Variants in DTNBP1 observed in about 807,000 individuals in gnomAD.
DTNBP1 encodes the protein dysbindin.
A neutral mutation model predicts 42.8 loss-of-function variants in DTNBP1; 35 were observed. The observed-to-expected ratio is 0.82, with a 90% CI of 0.63 to 1.09. DTNBP1 has a LOEUF of 1.09. Ranked by LOEUF, DTNBP1 falls within the 50% of genes least tolerant of loss-of-function variation. The pLI, the probability that DTNBP1 is intolerant of heterozygous loss-of-function variation, is 0.00. For synonymous variants in DTNBP1, 171 were observed against 162.2 expected, an observed-to-expected ratio of 1.05 and a Z score of -0.41; for missense variants, 457 against 424.2, an observed-to-expected ratio of 1.08 and a Z score of -0.68.
chr6:15,572,155 T>C (rs1375468579), intron 7 of DTNBP1, among the ~76,000 whole-genome samples: 5 of 152,206 alleles, frequency 3.3e-5, no homozygotes, highest in Non-Finnish European at 7.3e-5. Context: ...TGGCTAGCAC[T>C]GTTATTTCAT....
chr6:15,653,256 T>C (rs562712269), intron 1 of DTNBP1, among the ~76,000 whole-genome samples: 1 of 152,242 alleles, frequency 6.6e-6, no homozygotes, highest in South Asian at 2.1e-4. Flanking sequence ...AAGAATATCA[T>C]TGACTACATT....
rs144669471 is a variant in DTNBP1, at chr6:15,539,739, G to A, written c.512-6344C>T. Among the ~76,000 whole-genome samples the A allele has an allele frequency of 1.4e-3, 215 of 152,294 alleles. 1 individual carries two copies. The highest frequency in any genetic ancestry group is 4.9e-3 in the African/African-American group (204 of 41,554). On this transcript the variant is annotated intron_variant, in intron 7 of 9. Transcript: ENST00000344537. ...CGGCACATCCTCACTGGCTTTAGCA[G>A]CTTCCTGCTTTTAGCTTCTTTTCCT...
chr6:15,610,979 G>A (rs1022749464), intron 6 of DTNBP1, among the ~76,000 whole-genome samples: 7 of 152,238 alleles, frequency 4.6e-5, no homozygotes, highest in African/African-American at 1.7e-4. Context: ...GATGAAGGTG[G>A]CTATGCTAAA....
At chr6:15,594,018 C>T (rs1388450175) in intron 6 of DTNBP1, among the ~76,000 whole-genome samples, 2 of 152,192 alleles carry the variant, frequency 1.3e-5, no homozygotes, top group Admixed American at 6.5e-5. Context: ...TACTGAAAGG[C>T]CAAGTAGATA....
intron 3 of DTNBP1, among the ~76,000 whole-genome samples, chr6:15,640,218 T>C (rs1760265675): frequency 6.6e-6 from 1 of 152,194 alleles, no homozygotes; most frequent in Non-Finnish European, 1.5e-5. Context: ...AATTTATTGC[T>C]ATTAGATTGT....
At chr6:15,550,223 C>T (rs958921366) in intron 7 of DTNBP1, among the ~76,000 whole-genome samples, 1 of 152,200 alleles carries the variant, frequency 6.6e-6, no homozygotes, top group African/African-American at 2.4e-5. Context: ...GATGTTTCCA[C>T]TCATACTGCC....
intron 7 of DTNBP1, among the ~76,000 whole-genome samples, chr6:15,542,468 T>A (rs909975414): frequency 3.9e-5 from 6 of 152,040 alleles, no homozygotes; most frequent in African/African-American, 9.7e-5. Context: ...GCCTCCCTGG[T>A]TCAAGCCATT....
intron 1 of DTNBP1, among the ~76,000 whole-genome samples, chr6:15,655,129 A>G (rs1030399566): frequency 4.0e-5 from 6 of 150,080 alleles, no homozygotes; most frequent in African/African-American, 1.5e-4. Flanking sequence ...GTAAAATACA[A>G]TTTTTTTTTT....
rs1036296663 is a variant in DTNBP1, at chr6:15,616,465, G to A, written c.356-1066C>T. Among the ~76,000 whole-genome samples, 72 of 152,298 alleles carry A rather than the reference G, an allele frequency of 4.7e-4. 1 individual carries two copies. Among genetic ancestry groups the A allele is most frequent in the African/African-American group, 1.7e-3 (70 of 41,554 alleles). On this transcript the variant is annotated intron_variant, in intron 5 of 9. Coordinates refer to ENST00000344537, the MANE Select transcript of DTNBP1 (RefSeq NM_032122.5). Reference sequence around the variant, plus strand: ...CAGAGTAAGGCATGAGGTGCCGAAGGAACTCAAAGGAGTGGCATCTAACAC... The same window carrying A: ...CAGAGTAAGGCATGAGGTGCCGAAGAAACTCAAAGGAGTGGCATCTAACAC...
chr6:15,613,514 C>A (rs977191222), intron 6 of DTNBP1, among the ~76,000 whole-genome samples: 9 of 151,544 alleles, frequency 5.9e-5, no homozygotes, highest in African/African-American at 2.2e-4. Flanking sequence ...CTACAGGCGC[C>A]CGCCACCACA....
chr6:15,604,219 G>A (rs1005366852), intron 6 of DTNBP1, among the ~76,000 whole-genome samples: 13 of 152,156 alleles, frequency 8.5e-5, no homozygotes, highest in Admixed American at 5.2e-4. Flanking sequence ...TCATTGTTTC[G>A]GGGGAGAGAA....
At chr6:15,579,118 T>G (rs570995598) in intron 7 of DTNBP1, among the ~76,000 whole-genome samples, 1 of 152,212 alleles carries the variant, frequency 6.6e-6, no homozygotes, top group Non-Finnish European at 1.5e-5. Flanking sequence ...CAGCACTATT[T>G]ACAAAAGCCA....
intron 6 of DTNBP1, among the ~76,000 whole-genome samples, chr6:15,602,930 A>C (rs990451161): frequency 6.6e-6 from 1 of 152,240 alleles, no homozygotes; most frequent in Non-Finnish European, 1.5e-5. Flanking sequence ...TTTATTATTT[A>C]AAAATGGCAA....
intron 4 of DTNBP1, among the ~76,000 whole-genome samples, chr6:15,633,046 A>C (rs1387655525): frequency 6.6e-6 from 1 of 152,238 alleles, no homozygotes; most frequent in Non-Finnish European, 1.5e-5. Context: ...TTGTTAGAAC[A>C]TCATAATTGT....
At chr6:15,662,127 C>T (rs1230608118) in intron 1 of DTNBP1, among the ~76,000 whole-genome samples, 3 of 152,224 alleles carry the variant, frequency 2.0e-5, no homozygotes, top group Non-Finnish European at 4.4e-5. Context: ...TGAAAGGTTC[C>T]CAGGTGATTC....
intron 7 of DTNBP1, among the ~76,000 whole-genome samples, chr6:15,577,371 G>A (rs952019239): frequency 2.0e-5 from 3 of 152,248 alleles, no homozygotes; most frequent in Non-Finnish European, 2.9e-5. Context: ...GAAGCCCAGG[G>A]AGGATGCCCG....
intron 7 of DTNBP1, among the ~76,000 whole-genome samples, chr6:15,556,708 G>A (rs772600052): frequency 3.9e-5 from 6 of 152,098 alleles, no homozygotes; most frequent in Non-Finnish European, 7.4e-5. Flanking sequence ...TGGCCTCCCT[G>A]AGCTCCTCGC....
intron 1 of DTNBP1, among the ~76,000 whole-genome samples, chr6:15,658,448 G>A (rs1031318002): frequency 6.6e-6 from 1 of 152,276 alleles, no homozygotes; most frequent in East Asian, 1.9e-4. Context: ...TGAGGACACT[G>A]GGCAGGGGTG....
intron 7 of DTNBP1, among the ~76,000 whole-genome samples, chr6:15,583,973 A>G (rs1775947364): frequency 6.6e-6 from 1 of 152,206 alleles, no homozygotes; most frequent in Non-Finnish European, 1.5e-5. Flanking sequence ...GGTCATGCCC[A>G]GTATGACAAC....
Sources: allele counts gnomAD v4.1 joint callset (sites outside exome capture counted in the v4.1 genomes callset), GRCh38; gene constraint gnomAD v4.1.1; transcripts MANE v1.5; gene names NCBI Gene and HGNC (gene_info 2026-07-23, HGNC 2026-07-21).